CEACAM5: variants seen among roughly 807,000 people sequenced by gnomAD.
CEACAM5 encodes the protein CEA cell adhesion molecule 5.
A neutral mutation model predicts 63.0 loss-of-function variants in CEACAM5; 52 were observed. The observed-to-expected ratio is 0.83, with a 90% CI of 0.66 to 1.04. The LOEUF is 1.04. Ranked by LOEUF, CEACAM5 falls within the 50% of genes least tolerant of loss-of-function variation. The probability of loss-of-function intolerance (pLI) is 0.00; values close to 1 mark genes in which losing one functional copy is unlikely to be tolerated. For synonymous variants in CEACAM5, 357 were observed against 351.3 expected, an observed-to-expected ratio of 1.02 and a Z score of -0.18; for missense variants, 790 against 864.8, an observed-to-expected ratio of 0.91 and a Z score of 1.08.
At chr19:41,719,420 C>T (rs1027058254) in intron 6 of CEACAM5, among the ~76,000 whole-genome samples, 2 of 152,182 alleles carry the variant, frequency 1.3e-5, no homozygotes, top group African/African-American at 4.8e-5. Flanking sequence ...CTGTGGCCCA[C>T]AGCCTGACCC....
At chr19:41,716,095 G>A (rs565607219) in intron 4 of CEACAM5, among the ~76,000 whole-genome samples, 191 bp downstream of exon 4, 16 of 152,250 alleles carry the variant, frequency 1.1e-4, no homozygotes, top group African/African-American at 3.4e-4. Flanking sequence ...TTCTCATGGC[G>A]GGCCCCAGGT....
intron 6 of CEACAM5, 47 bp downstream of exon 6, chr19:41,718,429 T>C: frequency 6.3e-7 from 1 of 1,591,540 alleles, no homozygotes; most frequent in Non-Finnish European, 8.6e-7. Flanking sequence ...GAGCGGAATC[T>C]GTCTGGTTTT....
At chr19:41,719,075 G>A (rs1216772453) in intron 6 of CEACAM5, among the ~76,000 whole-genome samples, 2 of 152,142 alleles carry the variant, frequency 1.3e-5, no homozygotes, top group African/African-American at 2.4e-5. Flanking sequence ...TGAAGTCACC[G>A]GCTGTATGAG....
chr19:41,721,619 G>A (rs1031592317), intron 8 of CEACAM5, among the ~76,000 whole-genome samples: 2 of 152,260 alleles, frequency 1.3e-5, no homozygotes, highest in African/African-American at 4.8e-5. Flanking sequence ...AAGCCCCTTG[G>A]ATGAGGCAGG....
chr19:41,722,162 C>G (rs2072631376), intron 8 of CEACAM5, among the ~76,000 whole-genome samples: 2 of 151,912 alleles, frequency 1.3e-5, no homozygotes, highest in Admixed American at 6.5e-5. Flanking sequence ...CTTTGGGAGG[C>G]CAAGGCGAGT....
At chr19:41,723,630 C>G (rs782739954) in intron 8 of CEACAM5, among the ~76,000 whole-genome samples, 1 of 151,990 alleles carries the variant, frequency 6.6e-6, no homozygotes, top group Non-Finnish European at 1.5e-5. Context: ...TTCACTTTCT[C>G]GATAATGTTC....
At chr19:41,719,394 G>A (rs1302247130) in intron 6 of CEACAM5, among the ~76,000 whole-genome samples, 1 of 152,078 alleles carries the variant, frequency 6.6e-6, no homozygotes, top group Non-Finnish European at 1.5e-5. Flanking sequence ...TCAAACTCTT[G>A]GGTAGAGCTG....
chr19:41,730,485 A>G (rs567359515), downstream of CEACAM5, among the ~76,000 whole-genome samples: 41 of 152,142 alleles, frequency 2.7e-4, no homozygotes, highest in African/African-American at 8.7e-4. Flanking sequence ...GAATGAGGCC[A>G]AGTCTGATGA....
intron 4 of CEACAM5, 97 bp from the exon 5 acceptor site, chr19:41,717,358 G>A (rs548029372): frequency 2.3e-6 from 3 of 1,317,302 alleles, no homozygotes; most frequent in South Asian, 2.7e-5. Context: ...GGACTCAGTT[G>A]GGCTGAGAGG....
chr19:41,715,601 C>T, intron 3 of CEACAM5, 49 bp from the exon 4 acceptor site: 2 of 1,607,970 alleles, frequency 1.2e-6, no homozygotes, highest in South Asian at 1.1e-5. Flanking sequence ...CCAGGAACTT[C>T]CACTTCCCTC....
chr19:41,718,414 T>C, intron 6 of CEACAM5, 32 bp downstream of exon 6: 1 of 1,605,050 alleles, frequency 6.2e-7, no homozygotes, highest in Non-Finnish European at 8.5e-7. Context: ...TAGCAATATG[T>C]TCTGGAGCGG....
chr19:41,730,486 AG>A (rs1369462314), downstream of CEACAM5, among the ~76,000 whole-genome samples: 1 of 152,078 alleles, frequency 6.6e-6, no homozygotes, highest in African/African-American at 2.4e-5. Flanking sequence ...AATGAGGCCA[AG>A]TCTGATGAAA....
rs2072517900 is a variant in CEACAM5, at chr19:41,715,823, A to C, written c.877A>C (p.Asn293His). The stretch of plus-strand genomic sequence containing the variant: ...CTTTATCCCCAACATCACTGTGAAT[A>C]ATAGTGGATCCTATACGTGCCAAGC... ...ELFIPNITVN[N>H]SGSYTCQAHN... is the part of the protein sequence containing the mutation. The change falls in exon 4 of 10, where the codon AAT becomes CAT. Residue 293 changes from asparagine to histidine, a missense_variant. Coordinates refer to ENST00000221992, the MANE Select transcript of CEACAM5 (RefSeq NM_004363.6). 1 of 1,614,194 alleles carries C rather than the reference A, an allele frequency of 6.2e-7. No homozygotes were observed. Among genetic ancestry groups the C allele is most frequent in the Admixed American group, 1.7e-5 (1 of 60,020 alleles).
Position 41,727,264 on chromosome 19 carries a change from G to A in CEACAM5, c.2057G>A (p.Gly686Glu). ...GGAACTTCTCCTGGTCTCTCAGCTG[G>A]GGCCACTGTCGGCATCATGATTGGA... is the stretch of plus-strand genomic sequence containing the variant. ...ASGTSPGLSA[G>E]ATVGIMIGVL... The change falls in exon 9 of 10, where the codon GGG (glycine) becomes GAG (glutamate). Residue 686 changes from glycine (G) to glutamate (E), a missense_variant. Physicochemically the swap from Gly to Glu is moderately conservative, Grantham distance 98. Coordinates refer to ENST00000221992, the MANE Select transcript of CEACAM5 (RefSeq NM_004363.6). 2 of 1,614,048 alleles carry A rather than the reference G, an allele frequency of 1.2e-6. No homozygotes were observed. Among genetic ancestry groups the A allele is most frequent in the Non-Finnish European group, 1.7e-6 (2 of 1,179,926 alleles).
intron 8 of CEACAM5, among the ~76,000 whole-genome samples, chr19:41,722,082 T>G (rs576927187): frequency 1.1e-4 from 16 of 152,254 alleles, no homozygotes; most frequent in African/African-American, 3.9e-4. Context: ...AGTGTACAAT[T>G]AAGTGAAACA....
chr19:41,716,329 G>A (rs1465530730), intron 4 of CEACAM5, among the ~76,000 whole-genome samples: 1 of 152,224 alleles, frequency 6.6e-6, no homozygotes, highest in Non-Finnish European at 1.5e-5. Flanking sequence ...CCAAATGAGA[G>A]AAGGAAGCCC....
chr19:41,725,398 C>T (rs1419043613), intron 8 of CEACAM5, among the ~76,000 whole-genome samples: 4 of 149,458 alleles, frequency 2.7e-5, no homozygotes, highest in African/African-American at 4.9e-5. Context: ...CAGGGTCTCA[C>T]TCTGTAGCCC....
Position 41,717,564 on chromosome 19 carries a change from G to T in CEACAM5, c.1068G>T (p.Trp356Cys). The change falls in exon 5 of 10, where the codon TGG (tryptophan) becomes TGT (cysteine). Residue 356 changes from tryptophan (W) to cysteine (C), a missense_variant. Physicochemically the swap from Trp to Cys is radical, Grantham distance 215. Coordinates refer to ENST00000221992, the MANE Select transcript of CEACAM5 (RefSeq NM_004363.6). ...EPEIQNTTYLWWVNNQSLPVS... is the reference protein window; with the variant it reads ...EPEIQNTTYLCWVNNQSLPVS... Reference sequence around the variant, plus strand: ...AGATTCAGAACACAACCTACCTGTGGTGGGTAAATAATCAGAGCCTCCCGG... The same window carrying T: ...AGATTCAGAACACAACCTACCTGTGTTGGGTAAATAATCAGAGCCTCCCGG... The T allele has an allele frequency of 6.2e-7, 1 of 1,614,232 alleles. No individual in the cohort carries two copies. Among genetic ancestry groups the T allele is most frequent in the Non-Finnish European group, 8.5e-7 (1 of 1,180,046 alleles).
In CEACAM5 at chr19:41,715,166, G is replaced by A. The variant is rs562617012; in HGVS notation, c.620G>A (p.Arg207Lys). The A allele has an allele frequency of 1.9e-6, 3 of 1,614,194 alleles. No individual in the cohort carries two copies. In the South Asian group the frequency reaches 3.3e-5, roughly 18 times the overall value. Residue 207 changes from arginine to lysine, a missense_variant, in exon 3 of 10, where the codon AGA becomes AAA. Transcript: ENST00000221992. The part of the protein sequence containing the change: ...NRTLTLFNVT[R>K]NDTASYKCET... ...ACCCTCACTCTATTCAATGTCACAA[G>A]AAATGACACAGCAAGCTACAAATGT... is the stretch of plus-strand genomic sequence containing the variant.
Sources: allele counts gnomAD v4.1 joint callset (sites outside exome capture counted in the v4.1 genomes callset), GRCh38; gene constraint gnomAD v4.1.1; transcripts MANE v1.5; gene names NCBI Gene and HGNC (gene_info 2026-07-23, HGNC 2026-07-21).